The following USP45 variants were observed in gnomAD, a reference collection of about 807,000 sequenced individuals.
USP45 encodes ubiquitin specific peptidase 45.
USP45 carries 89 observed loss-of-function variants against 95.8 expected under a neutral mutation model. The ratio of observed to expected loss-of-function variants is 0.93; its 90% CI spans 0.78 to 1.11. The LOEUF (loss-of-function observed/expected upper bound fraction) is 1.11. Among genes scored for constraint, USP45 ranks in the 50% least tolerant of loss-of-function variants. The pLI, the probability that USP45 is intolerant of heterozygous loss-of-function variation, is 0.00. For missense variants in USP45, 898 were observed against 942.5 expected (o/e 0.95, Z 0.62); for synonymous variants, 281 against 316.2 (o/e 0.89, Z 1.18).
chr6:99,501,523 A>C (rs753766603), intron 5 of USP45, among the ~76,000 whole-genome samples: 9 of 152,200 alleles, frequency 5.9e-5, no homozygotes, highest in Non-Finnish European at 1.0e-4. Context: ...CCAGCACGGC[A>C]ATCTGTTCCT....
intron 13 of USP45, chr6:99,461,577 T>A: frequency 2.0e-6 from 2 of 985,408 alleles, no homozygotes; most frequent in South Asian, 9.4e-5. Flanking sequence ...AGAGATAACA[T>A]CTTCCAACTT....
intron 7 of USP45, among the ~76,000 whole-genome samples, chr6:99,486,912 C>A (rs1794045901): frequency 6.6e-6 from 1 of 152,110 alleles, no homozygotes; most frequent in Admixed American, 6.6e-5. Flanking sequence ...CACCTCCCAG[C>A]CAAAGTCCAT....
In USP45 at chr6:99,435,162, G is replaced by C. The variant is rs1229123450; in HGVS notation, c.*554C>G. 2 of 152,544 alleles carry C rather than the reference G, an allele frequency of 1.3e-5. No homozygotes were observed. Among genetic ancestry groups the C allele is most frequent in the Non-Finnish European group, 2.9e-5 (2 of 68,036 alleles). The allele number at this position is 152,544 out of a possible 1,614,324, so 9.4% of individuals were successfully genotyped here. A position where few individuals can be genotyped will look rare whatever the true frequency, so the allele number is the denominator to read the frequency against. On this transcript the variant is annotated 3_prime_UTR_variant, in exon 18 of 18. Coordinates refer to ENST00000500704, the MANE Select transcript of USP45 (RefSeq NM_001346022.3). Reference sequence around the variant, plus strand: ...CATATATACCACTAGATGGCCCTGAGATGATTTTAAGTTAAGTGGTACGTG... The same window carrying C: ...CATATATACCACTAGATGGCCCTGACATGATTTTAAGTTAAGTGGTACGTG...
chr6:99,479,335 G>A (rs1372394925), intron 8 of USP45, among the ~76,000 whole-genome samples: 3 of 151,816 alleles, frequency 2.0e-5, no homozygotes, highest in Non-Finnish European at 4.4e-5. Context: ...TCAGCCTCTA[G>A]AGTAGCTGGG....
chr6:99,501,945 A>T (rs888661008), intron 5 of USP45: 6 of 1,300,918 alleles, frequency 4.6e-6, no homozygotes, highest in Admixed American at 2.3e-5. Context: ...TATATCAACA[A>T]ACTGACTCAC....
In USP45 at chr6:99,466,782, T is replaced by C. The variant is rs1583165960; in HGVS notation, c.1016-19A>G. On this transcript the variant is annotated intron_variant, in intron 10 of 17. Coordinates refer to ENST00000500704, the MANE Select transcript of USP45 (RefSeq NM_001346022.3). ...CCATATGCTGTAAAAATCATACTTT[T>C]TAATGCAAAAAACATGTCAACCATC... The C allele has an allele frequency of 1.3e-6, 2 of 1,596,276 alleles. No homozygotes were observed. The highest frequency in any genetic ancestry group is 2.2e-5 in the South Asian group (2 of 90,404).
intron 8 of USP45, among the ~76,000 whole-genome samples, chr6:99,481,556 G>C (rs1472402262): frequency 6.6e-6 from 1 of 152,130 alleles, no homozygotes; most frequent in Non-Finnish European, 1.5e-5. Context: ...ACATGTGCAG[G>C]TTTGTTATCT....
chr6:99,487,512 G>A (rs981825361), intron 7 of USP45, among the ~76,000 whole-genome samples: 1 of 151,766 alleles, frequency 6.6e-6, no homozygotes, highest in African/African-American at 2.4e-5. Context: ...AGATGTGGCC[G>A]GGCGTGGTGG....
At chr6:99,493,071 C>G (rs1479931224) in intron 5 of USP45, among the ~76,000 whole-genome samples, 1 of 152,030 alleles carries the variant, frequency 6.6e-6, no homozygotes, top group Non-Finnish European at 1.5e-5. Flanking sequence ...TTCTGTTGCC[C>G]AGGCTGGAGT....
At chr6:99,479,620 GATT>G (rs1791852655) in intron 8 of USP45, among the ~76,000 whole-genome samples, 1 of 72,246 alleles carries the variant, frequency 1.4e-5, no homozygotes, top group Non-Finnish European at 2.9e-5. Context: ...AAAAAAAAAA[GATT>G]ATTTGGATAC....
intron 5 of USP45, among the ~76,000 whole-genome samples, chr6:99,490,165 G>T (rs1429433189): frequency 6.6e-6 from 1 of 151,604 alleles, no homozygotes; most frequent in Non-Finnish European, 1.5e-5. Flanking sequence ...TCAGCCCTCA[G>T]ATTTTTTCTT....
chr6:99,439,675 G>T, intron 16 of USP45, 94 bp downstream of exon 16: 1 of 877,186 alleles, frequency 1.1e-6, no homozygotes, highest in Non-Finnish European at 1.6e-6. Flanking sequence ...CAGAAGAGAA[G>T]TTATTTTTTT....
chr6:99,468,441 G>A (rs749634391), intron 10 of USP45, 96 bp downstream of exon 10: 37 of 805,756 alleles, frequency 4.6e-5, no homozygotes, highest in Non-Finnish European at 7.4e-5. Flanking sequence ...CACTACTTTG[G>A]TGGATTAGTT....
rs943646135 is a variant in USP45 at position 99,507,461 on chromosome 6, C to T, written c.344G>A (p.Cys115Tyr). ...HFKSSRTEPH[C>Y]IIINLSTWII... ...CCATGTGCTCAGATTAATTATAATACAATGGGGCTCTGTTCTGGAACTCTT... is the reference window on the plus strand; with the variant it reads ...CCATGTGCTCAGATTAATTATAATATAATGGGGCTCTGTTCTGGAACTCTT... Residue 115 changes from cysteine (C) to tyrosine (Y), a missense_variant, in exon 4 of 18, where the codon TGT (cysteine) becomes TAT (tyrosine). Coordinates refer to ENST00000500704, the MANE Select transcript of USP45 (RefSeq NM_001346022.3). 1.2e-6 allele frequency: 2 copies of T among 1,611,858 alleles called. No homozygotes were observed. Among genetic ancestry groups the T allele is most frequent in the African/African-American group, 1.3e-5 (1 of 74,790 alleles).
At position 99,466,766 on chromosome 6, in the gene USP45, G is replaced by T; in HGVS notation, c.1016-3C>A. ...TTTCACACCTTCTTTTCCATATGCT[G>T]TAAAAATCATACTTTTTAATGCAAA... On this transcript the variant is annotated splice_region_variant and splice_polypyrimidine_tract_variant and intron_variant, in intron 10 of 17. Coordinates refer to ENST00000500704, the MANE Select transcript of USP45 (RefSeq NM_001346022.3). The T allele has an allele frequency of 6.2e-7, 1 of 1,610,054 alleles. No homozygotes were observed. The highest frequency in any genetic ancestry group is 1.7e-4 in the Middle Eastern group (1 of 6,046).
intron 7 of USP45, among the ~76,000 whole-genome samples, chr6:99,486,159 A>G (rs1290918551): frequency 6.6e-6 from 1 of 152,174 alleles, no homozygotes; most frequent in African/African-American, 2.4e-5. Context: ...AAAATAAAAA[A>G]ATAAACGGTA....
intron 5 of USP45, among the ~76,000 whole-genome samples, chr6:99,495,560 T>C (rs1283829003): frequency 2.0e-5 from 3 of 152,198 alleles, no homozygotes; most frequent in Admixed American, 6.5e-5. Flanking sequence ...CTGGTTAGTG[T>C]TGAGGGAAGA....
intron 3 of USP45, among the ~76,000 whole-genome samples, chr6:99,507,808 G>A (rs1798862793): frequency 6.6e-6 from 1 of 152,192 alleles, no homozygotes; most frequent in Non-Finnish European, 1.5e-5. Context: ...CCAGCATCCT[G>A]GCAGGCCAGT....
At chr6:99,465,042 C>G in intron 12 of USP45, 38 bp downstream of exon 12, 1 of 1,487,036 alleles carries the variant, frequency 6.7e-7, no homozygotes, top group Non-Finnish European at 9.2e-7. Context: ...ATTAAATGTT[C>G]TTCACCAAAG....
Sources: gnomAD v4.1 joint callset for allele counts (sites outside exome capture counted in the v4.1 genomes callset) on GRCh38, gnomAD v4.1.1 for gene constraint, MANE v1.5 for transcripts, NCBI Gene and HGNC (gene_info 2026-07-23, HGNC 2026-07-21) for gene names.